The following LHFPL3 variants were observed in gnomAD, a reference collection of about 807,000 sequenced individuals.
LHFPL3 encodes LHFPL tetraspan subfamily member 3, also known as LHFPL tetraspan subfamily member 3 protein.
LHFPL3 carries 5 observed loss-of-function variants against 19.3 expected under a neutral mutation model. The ratio of observed to expected loss-of-function variants is 0.26; its 90% CI spans 0.14 to 0.54. LHFPL3 has a LOEUF of 0.54. Among genes scored for constraint, LHFPL3 ranks in the 20% least tolerant of loss-of-function variants. LHFPL3 has a pLI of 0.94. For synonymous variants in LHFPL3, 133 were observed against 126.2 expected, an observed-to-expected ratio of 1.05 and a Z score of -0.36; for missense variants, 249 against 307.4, an observed-to-expected ratio of 0.81 and a Z score of 1.42.
At chr7:104,607,176 T>C (rs1452420180) in intron 1 of LHFPL3, among the ~76,000 whole-genome samples, 3 of 152,240 alleles carry the variant, frequency 2.0e-5, no homozygotes, top group East Asian at 3.9e-4. Flanking sequence ...GGAAGGGCTA[T>C]TATCATCCTT....
chr7:104,563,290 G>T (rs62485159), intron 1 of LHFPL3, among the ~76,000 whole-genome samples: 17 of 151,930 alleles, frequency 1.1e-4, no homozygotes, highest in Non-Finnish European at 1.8e-4. Flanking sequence ...CCTCGCTGCC[G>T]CCTTGCAGTT....
intron 1 of LHFPL3, among the ~76,000 whole-genome samples, chr7:104,568,060 A>C (rs1159296539): frequency 6.6e-6 from 1 of 152,152 alleles, no homozygotes; most frequent in African/African-American, 2.4e-5. Context: ...TCCCTTCTTT[A>C]AATTACCCTC....
At chr7:104,534,231 A>C (rs918525945) in intron 1 of LHFPL3, among the ~76,000 whole-genome samples, 1 of 152,148 alleles carries the variant, frequency 6.6e-6, no homozygotes, top group South Asian at 2.1e-4. Flanking sequence ...TGCAACCCTG[A>C]TCTCTCATCA....
rs373234123 is a variant in LHFPL3 at position 104,668,422 on chromosome 7, G to A, written c.446-68253G>A. ...GATGATAGCTTTGGAGACAAGTATC[G>A]AGATCGTTATGATTCAGACCGGTAT... On this transcript the variant is annotated intron_variant, in intron 1 of 2. Coordinates refer to ENST00000424859, the MANE Select transcript of LHFPL3 (RefSeq NM_199000.3). 4,530 of 1,605,692 alleles carry A rather than the reference G, an allele frequency of 2.8e-3. 14 individuals are homozygous for A. The highest frequency in any genetic ancestry group is 3.5e-3 in the Non-Finnish European group (4,100 of 1,173,504).
chr7:104,530,015 G>C (rs1794265557), intron 1 of LHFPL3, among the ~76,000 whole-genome samples: 1 of 152,182 alleles, frequency 6.6e-6, no homozygotes, highest in Non-Finnish European at 1.5e-5. Flanking sequence ...TTTCATCCAA[G>C]AATGGGGGCT....
intron 1 of LHFPL3, among the ~76,000 whole-genome samples, chr7:104,676,174 T>C (rs2116064804): frequency 6.6e-6 from 1 of 152,364 alleles, no homozygotes; most frequent in Middle Eastern, 3.4e-3. Context: ...CCATTGCTTT[T>C]ATGCTCACCT....
At chr7:104,686,198 C>T (rs1362865703) in intron 1 of LHFPL3, among the ~76,000 whole-genome samples, 1 of 152,150 alleles carries the variant, frequency 6.6e-6, no homozygotes, top group East Asian at 1.9e-4. Context: ...ATAAAACCCT[C>T]AAAGTACACA....
At chr7:104,540,024 G>T (rs981532219) in intron 1 of LHFPL3, among the ~76,000 whole-genome samples, 1 of 152,114 alleles carries the variant, frequency 6.6e-6, no homozygotes, top group Non-Finnish European at 1.5e-5. Context: ...ATGAGATCCC[G>T]CTGGAGAGTG....
intron 2 of LHFPL3, among the ~76,000 whole-genome samples, chr7:104,766,533 A>T (rs1191943864): frequency 6.6e-6 from 1 of 152,100 alleles, no homozygotes; most frequent in Non-Finnish European, 1.5e-5. Flanking sequence ...TTAGGATTCC[A>T]TTTTACTGCC....
At chr7:104,562,132 A>T (rs1456849158) in intron 1 of LHFPL3, among the ~76,000 whole-genome samples, 1 of 151,328 alleles carries the variant, frequency 6.6e-6, no homozygotes, top group Non-Finnish European at 1.5e-5. Context: ...CCTTCATTTC[A>T]ACTTTGGTGA....
intron 1 of LHFPL3, among the ~76,000 whole-genome samples, chr7:104,673,258 T>C (rs1022116165): frequency 1.3e-5 from 2 of 152,212 alleles, no homozygotes; most frequent in Non-Finnish European, 1.5e-5. Flanking sequence ...CTGAGCCACA[T>C]AGAGTATGAA....
chr7:104,345,825 C>A (rs185528953), intron 1 of LHFPL3, among the ~76,000 whole-genome samples: 1 of 151,926 alleles, frequency 6.6e-6, no homozygotes, highest in African/African-American at 2.4e-5. Flanking sequence ...CTAGCAATTG[C>A]TATTGTACTA....
intron 1 of LHFPL3, among the ~76,000 whole-genome samples, chr7:104,516,937 C>T (rs997050427): frequency 6.6e-6 from 1 of 152,168 alleles, no homozygotes; most frequent in Non-Finnish European, 1.5e-5. Flanking sequence ...AAATATGATA[C>T]ATATACACCA....
Position 104,424,983 on chromosome 7 carries a change from T to TAAAAAAAAAAAAAAAA in LHFPL3, c.445+95766_445+95781dup, listed in dbSNP as rs71153196. On this transcript the variant is annotated intron_variant, in intron 1 of 2. Transcript: ENST00000424859. ...GGCGACAGAGTGAGACTCCATCTCA[T>TAAAAAAAAAAAAAAAA]AAAAAAAAAAAAAAAAAAAAAAGAA... Among the ~76,000 whole-genome samples the TAAAAAAAAAAAAAAAA allele has an allele frequency of 6.9e-4, 45 of 65,146 alleles. 4 individuals carry two copies. The East Asian group carries it at 0.018, about 26-fold the overall frequency. The allele number at this position is 65,146 out of a possible 152,430, so 42.7% of individuals were successfully genotyped here. A position where few individuals can be genotyped will look rare whatever the true frequency, so the allele number is the denominator to read the frequency against.
At chr7:104,524,392 C>A (rs550386636) in intron 1 of LHFPL3, among the ~76,000 whole-genome samples, 2 of 152,270 alleles carry the variant, frequency 1.3e-5, no homozygotes, top group East Asian at 3.9e-4. Context: ...GCATGCAACT[C>A]ATAGGAAGCC....
intron 1 of LHFPL3, among the ~76,000 whole-genome samples, chr7:104,532,318 C>CTTTTTTTTTTTTTTTT (rs71155504): frequency 1.1e-3 from 94 of 87,214 alleles, no homozygotes; most frequent in Non-Finnish European, 1.4e-3. Context: ...TTCTTTCTGT[C>CTTTTTTTTTTTTTTTT]TTTTTTTTTT....
intron 1 of LHFPL3, among the ~76,000 whole-genome samples, chr7:104,525,218 T>A (rs936713783): frequency 6.6e-6 from 1 of 152,196 alleles, no homozygotes; most frequent in Non-Finnish European, 1.5e-5. Flanking sequence ...AGAGAAACAA[T>A]TCCTCCACTT....
chr7:104,476,773 T>C (rs1793028180), intron 1 of LHFPL3, among the ~76,000 whole-genome samples: 1 of 152,150 alleles, frequency 6.6e-6, no homozygotes, highest in Non-Finnish European at 1.5e-5. Flanking sequence ...TTCCTGCTTT[T>C]TTTTATTGCT....
At chr7:104,693,017 T>C (rs769639414) in intron 1 of LHFPL3, among the ~76,000 whole-genome samples, 41 of 152,204 alleles carry the variant, frequency 2.7e-4, no homozygotes, top group Non-Finnish European at 4.6e-4. Flanking sequence ...AGGTTGGAGC[T>C]GCCCAAGGCC....
Sources: allele counts gnomAD v4.1 joint callset (sites outside exome capture counted in the v4.1 genomes callset), GRCh38; gene constraint gnomAD v4.1.1; transcripts MANE v1.5; gene names NCBI Gene and HGNC (gene_info 2026-07-23, HGNC 2026-07-21).